Variants in RETREG1 observed in about 807,000 individuals in gnomAD.
RETREG1 encodes the protein reticulophagy regulator 1, also known as family with sequence similarity 134 member B.
A neutral mutation model predicts 54.8 loss-of-function variants in RETREG1; 44 were observed. The observed-to-expected ratio is 0.80, with a 90% CI of 0.63 to 1.03. The LOEUF is 1.03. RETREG1 is among the 50% of genes least tolerant of loss of function. The probability of loss-of-function intolerance (pLI) is 0.00; values close to 1 mark genes in which losing one functional copy is unlikely to be tolerated. For missense variants in RETREG1, 554 were observed against 605.1 expected, an observed-to-expected ratio of 0.92 and a Z score of 0.89; for synonymous variants, 217 against 238.5, an observed-to-expected ratio of 0.91 and a Z score of 0.83.
rs937606020 is a variant in RETREG1, at chr5:16,495,839, CAG to C, written c.459-12369_459-12368del. On this transcript the variant is annotated intron_variant, in intron 3 of 8. Transcript: ENST00000306320. ...AGATGAGTATGAATATTCTTAGACT[CAG>C]GGTATAAGTTGAGTGCTGACTGGGG... Among the ~76,000 whole-genome samples the C allele has an allele frequency of 1.2e-4, 19 of 152,112 alleles. No individual in the cohort carries two copies. In the East Asian group the frequency reaches 3.7e-3, roughly 29 times the overall value.
intron 3 of RETREG1, among the ~76,000 whole-genome samples, chr5:16,524,226 G>A (rs1185016709): frequency 6.6e-6 from 1 of 152,172 alleles, no homozygotes; most frequent in African/African-American, 2.4e-5. Flanking sequence ...CGTGAGACAA[G>A]GCGACACATG....
intron 2 of RETREG1, among the ~76,000 whole-genome samples, chr5:16,567,994 C>T (rs541329784): frequency 3.3e-5 from 5 of 151,816 alleles, no homozygotes; most frequent in East Asian, 3.9e-4. Flanking sequence ...GAAAAGAAAG[C>T]GGGGGGCAGA....
chr5:16,528,609 G>A (rs978962848), intron 3 of RETREG1, among the ~76,000 whole-genome samples: 1 of 152,196 alleles, frequency 6.6e-6, no homozygotes. Flanking sequence ...TGGAGACAAA[G>A]CCAAGAGGGT....
At chr5:16,491,780 T>A (rs1378682900) in intron 3 of RETREG1, among the ~76,000 whole-genome samples, 1 of 152,130 alleles carries the variant, frequency 6.6e-6, no homozygotes, top group African/African-American at 2.4e-5. Context: ...CCCAGCACTT[T>A]GGGAGACAAA....
At chr5:16,526,394 A>C (rs750712333) in intron 3 of RETREG1, among the ~76,000 whole-genome samples, 2 of 152,316 alleles carry the variant, frequency 1.3e-5, no homozygotes, top group Middle Eastern at 6.8e-3. Context: ...CCTTAGTTAC[A>C]AGCCAGGGCT....
At chr5:16,477,110 G>A (rs544723781) in intron 8 of RETREG1, among the ~76,000 whole-genome samples, 1 of 151,968 alleles carries the variant, frequency 6.6e-6, no homozygotes, top group East Asian at 1.9e-4. Context: ...ATTTCAGGAG[G>A]TAATTTTTCT....
rs1169371992 is a variant in RETREG1 at position 16,474,265 on chromosome 5, T to C, written c.*476A>G. The C allele has an allele frequency of 6.4e-6, 1 of 156,388 alleles. No individual in the cohort carries two copies. Among genetic ancestry groups the C allele is most frequent in the East Asian group, 1.9e-4 (1 of 5,300 alleles). The allele number at this position is 156,388 out of a possible 1,614,324, so 9.7% of individuals were successfully genotyped here. A position where few individuals can be genotyped will look rare whatever the true frequency, so the allele number is the denominator to read the frequency against. On this transcript the variant is annotated 3_prime_UTR_variant, in exon 9 of 9. Transcript: ENST00000306320. ...ATACCTTGATAATTTCGGTCTTTTTTACATCAAAATCTATCCGTTGAAAAA... is the reference window on the plus strand; with the variant it reads ...ATACCTTGATAATTTCGGTCTTTTTCACATCAAAATCTATCCGTTGAAAAA...
intron 1 of RETREG1, among the ~76,000 whole-genome samples, chr5:16,612,875 T>C (rs1030841070): frequency 6.6e-6 from 1 of 152,208 alleles, no homozygotes. Context: ...TATGTGTGTA[T>C]CCCTAACCAA....
chr5:16,496,716 T>G (rs1739473712), intron 3 of RETREG1, among the ~76,000 whole-genome samples: 1 of 152,238 alleles, frequency 6.6e-6, no homozygotes, highest in Non-Finnish European at 1.5e-5. Flanking sequence ...GTTTACATAA[T>G]TTTATGCAAT....
chr5:16,478,483 G>A (rs1015136468), intron 6 of RETREG1, among the ~76,000 whole-genome samples: 2 of 152,004 alleles, frequency 1.3e-5, no homozygotes, highest in Admixed American at 1.3e-4. Flanking sequence ...GAACCTATAA[G>A]GTCATAAGCC....
intron 3 of RETREG1, among the ~76,000 whole-genome samples, chr5:16,516,855 C>T (rs1014274947): frequency 5.9e-5 from 9 of 152,028 alleles, no homozygotes; most frequent in African/African-American, 2.2e-4. Context: ...AATCTCAGAA[C>T]CTTGGGAGGC....
chr5:16,577,321 A>T (rs1742355249), intron 1 of RETREG1, among the ~76,000 whole-genome samples: 1 of 146,724 alleles, frequency 6.8e-6, no homozygotes, highest in African/African-American at 2.5e-5. Context: ...AAACCCAAAG[A>T]TAGGTGGTAG....
At chr5:16,544,898 C>T (rs1446021435) in intron 3 of RETREG1, among the ~76,000 whole-genome samples, 1 of 152,152 alleles carries the variant, frequency 6.6e-6, no homozygotes, top group Non-Finnish European at 1.5e-5. Context: ...AAGTTTCTTC[C>T]ACTGGGGCCA....
At position 16,504,530 on chromosome 5, in the gene RETREG1, T is replaced by C. The variant is rs574509970; in HGVS notation, c.459-21058A>G. ...GCCCAGTGAAGGACTCCTATGTACC[T>C]CTCCCACTTCAGCCACTCTCTCCTT... On this transcript the variant is annotated intron_variant, in intron 3 of 8. Transcript: ENST00000306320. Among the ~76,000 whole-genome samples, 3 of 152,234 alleles carry C rather than the reference T, an allele frequency of 2.0e-5. No individual in the cohort carries two copies. In the East Asian group the frequency reaches 5.8e-4, roughly 29 times the overall value.
intron 1 of RETREG1, among the ~76,000 whole-genome samples, chr5:16,606,360 C>G (rs1043284255): frequency 6.6e-6 from 1 of 152,184 alleles, no homozygotes; most frequent in East Asian, 1.9e-4. Context: ...CCCCAACACT[C>G]TCCCCCAGCT....
intron 3 of RETREG1, among the ~76,000 whole-genome samples, chr5:16,505,857 C>G (rs1037015985): frequency 1.1e-4 from 16 of 152,318 alleles, no homozygotes; most frequent in African/African-American, 3.8e-4. Context: ...TTCTCTGGCC[C>G]CTGAGGCTCC....
At position 16,490,756 on chromosome 5, in the gene RETREG1, G is replaced by A. The variant is rs139269697; in HGVS notation, c.459-7284C>T. On this transcript the variant is annotated intron_variant, in intron 3 of 8. Transcript: ENST00000306320. Reference sequence around the variant, plus strand: ...AGAACTGGGAATGCTCCTAATGTGGGGCGAGATACAGAAAAAACACTCTCC... The same window carrying A: ...AGAACTGGGAATGCTCCTAATGTGGAGCGAGATACAGAAAAAACACTCTCC... 2.2e-3 allele frequency among the ~76,000 whole-genome samples: 337 copies of A among 152,246 alleles called. 1 individual carries two copies. Among genetic ancestry groups the A allele is most frequent in the African/African-American group, 7.1e-3 (296 of 41,554 alleles).
chr5:16,575,594 C>A (rs1000278481), intron 1 of RETREG1, among the ~76,000 whole-genome samples: 3 of 152,240 alleles, frequency 2.0e-5, no homozygotes, highest in African/African-American at 7.2e-5. Context: ...GGCTGCCAGA[C>A]TTCATTTGGA....
At chr5:16,558,236 A>C (rs1236437195) in intron 3 of RETREG1, among the ~76,000 whole-genome samples, 2 of 152,046 alleles carry the variant, frequency 1.3e-5, no homozygotes, top group African/African-American at 4.8e-5. Flanking sequence ...CTCCAGCCTG[A>C]GTGACAGAGC....
Sources: allele counts gnomAD v4.1 joint callset (sites outside exome capture counted in the v4.1 genomes callset), GRCh38; gene constraint gnomAD v4.1.1; transcripts MANE v1.5; gene names NCBI Gene and HGNC (gene_info 2026-07-23, HGNC 2026-07-21).